DNAH9: variants seen among roughly 807,000 people sequenced by gnomAD.
DNAH9 encodes dynein axonemal heavy chain 9, also known as DNAH9 variant protein.
DNAH9 carries 345 observed loss-of-function variants against 471.6 expected under a neutral mutation model. That is an observed-to-expected ratio of 0.73 (90% CI 0.67 to 0.80). DNAH9 has a LOEUF of 0.80. Among genes scored for constraint, DNAH9 ranks in the 30% least tolerant of loss-of-function variants. The pLI, the probability that DNAH9 is intolerant of heterozygous loss-of-function variation, is 0.00. For missense variants in DNAH9, 5,407 were observed against 5,609.2 expected, an observed-to-expected ratio of 0.96 and a Z score of 1.15; for synonymous variants, 2,093 against 2,123.6, an observed-to-expected ratio of 0.99 and a Z score of 0.40.
At chr17:11,747,999 A>G (rs1966963249) in intron 32 of DNAH9, among the ~76,000 whole-genome samples, 1 of 152,018 alleles carries the variant, frequency 6.6e-6, no homozygotes, top group Non-Finnish European at 1.5e-5. Context: ...CCTTTTAGAG[A>G]GTGCATTTAA....
chr17:11,667,034 TG>T (rs2073883627), intron 15 of DNAH9, among the ~76,000 whole-genome samples: 2 of 152,274 alleles, frequency 1.3e-5, no homozygotes, highest in South Asian at 4.1e-4. Flanking sequence ...GCACCAACAC[TG>T]TGGAACCAGG....
In DNAH9 at chr17:11,880,110, C is replaced by T. The variant is rs753171648; in HGVS notation, c.10511C>T (p.Ala3504Val). ...YLQIIEQALE[A>V]GAVVLIENLE... ...CAAATCATAGAGCAGGCCCTGGAAG[C>T]TGGAGCTGTGGTGCTGATTGAAAAT... Residue 3504 changes from alanine (A) to valine (V), a missense_variant, in exon 54 of 69, where the codon GCT (alanine) becomes GTT (valine). By Grantham distance (64) the Ala-to-Val change is moderately conservative. Around this residue, in one of 3 missense-constraint regions of DNAH9, gnomAD observed 4,636 missense variants for 4,900.3 expected, o/e 0.95. Transcript: ENST00000262442. 3.7e-6 allele frequency: 6 copies of T among 1,614,080 alleles called. No homozygotes were observed. The highest frequency in any genetic ancestry group is 4.2e-6 in the Non-Finnish European group (5 of 1,179,950).
At chr17:11,678,813 C>T (rs1055429709) in intron 17 of DNAH9, among the ~76,000 whole-genome samples, 1 of 152,138 alleles carries the variant, frequency 6.6e-6, no homozygotes. Flanking sequence ...CTAGACTCTT[C>T]TCAAATGTTG....
chr17:11,870,641 A>G (rs775727032), intron 51 of DNAH9, among the ~76,000 whole-genome samples: 5 of 152,170 alleles, frequency 3.3e-5, no homozygotes, highest in South Asian at 2.1e-4. Flanking sequence ...ACTCTTGCCA[A>G]TGTGCAAGAA....
chr17:11,886,506 C>CTT (rs55645155), intron 56 of DNAH9, among the ~76,000 whole-genome samples: 24 of 127,268 alleles, frequency 1.9e-4, no homozygotes, highest in Middle Eastern at 8.3e-3. Context: ...TTGAGTCATA[C>CTT]TTTTTTTTTT....
At chr17:11,732,552 A>G (rs2075285900) in intron 28 of DNAH9, among the ~76,000 whole-genome samples, 1 of 151,936 alleles carries the variant, frequency 6.6e-6, no homozygotes, top group South Asian at 2.1e-4. Flanking sequence ...CTGCTGGTCC[A>G]CAGCATCTTT....
chr17:11,911,079 G>T (rs1973780623), intron 61 of DNAH9, among the ~76,000 whole-genome samples: 1 of 151,976 alleles, frequency 6.6e-6, no homozygotes, highest in Admixed American at 6.6e-5. Context: ...TTGGCCACTT[G>T]TATTTTAATA....
chr17:11,769,399 C>A, intron 38 of DNAH9, 70 bp downstream of exon 38: 1 of 1,416,192 alleles, frequency 7.1e-7, no homozygotes, highest in Non-Finnish European at 9.7e-7. Context: ...GAGCTGAAGC[C>A]AAGCGTCAGG....
At chr17:11,968,358 A>C (rs1168089267) in intron 68 of DNAH9, among the ~76,000 whole-genome samples, 2 of 152,188 alleles carry the variant, frequency 1.3e-5, no homozygotes, top group East Asian at 3.8e-4. Context: ...CTTCCCTTTA[A>C]ATAAATTTCA....
chr17:11,701,047 C>A, intron 23 of DNAH9, 75 bp from the exon 24 acceptor site: 1 of 1,524,802 alleles, frequency 6.6e-7, no homozygotes, highest in South Asian at 1.2e-5. Context: ...CTCCCTCAGA[C>A]TGAGTGGAAG....
At position 11,937,615 on chromosome 17, in the gene DNAH9, C is replaced by G; in HGVS notation, c.12660+93C>G. On this transcript the variant is annotated intron_variant, in intron 66 of 68. Transcript: ENST00000262442. The surrounding 1 kb of genome is among the most constrained non-coding windows in gnomAD (Gnocchi z 4.1). The stretch of plus-strand genomic sequence containing the variant: ...TCCTGCTGGCCATTTTGGCAGTACA[C>G]AGCATAGACAACACACAAAGCACCA... 7.3e-7 allele frequency: 1 copy of G among 1,377,528 alleles called. No individual in the cohort carries two copies. The highest frequency in any genetic ancestry group is 2.5e-5 in the East Asian group (1 of 40,056). 85.3% of individuals were successfully genotyped at this position (1,377,528 alleles called of 1,614,324 possible).
rs1452381085 is a variant in DNAH9, at chr17:11,651,191, G to A, written c.2220G>A (p.Glu740=). Residue 740 remains glutamate, a synonymous_variant, in exon 13 of 69, where the codon GAG becomes GAA. Coordinates refer to ENST00000262442, the MANE Select transcript of DNAH9 (RefSeq NM_001372.4). ...DFYRQLVANL[E]LMANWYNKVM... The stretch of plus-strand genomic sequence containing the variant: ...ATCGGCAGCTTGTGGCTAATTTAGA[G>A]TTGATGGCAAATTGGTACAACAAGG... 6.2e-7 allele frequency: 1 copy of A among 1,613,984 alleles called. No individual in the cohort carries two copies. The highest frequency in any genetic ancestry group is 1.7e-5 in the Admixed American group (1 of 59,996).
intron 50 of DNAH9, among the ~76,000 whole-genome samples, chr17:11,867,698 G>A (rs567107196): frequency 4.5e-4 from 68 of 152,246 alleles, no homozygotes; most frequent in African/African-American, 1.0e-3. Context: ...CAAGAGTAGC[G>A]ATCAAAAGCT....
chr17:11,968,692 T>C (rs898482892), intron 68 of DNAH9, among the ~76,000 whole-genome samples: 1 of 152,186 alleles, frequency 6.6e-6, no homozygotes, highest in African/African-American at 2.4e-5. Flanking sequence ...CCGCAGAACA[T>C]TTCTCGGGAC....
intron 48 of DNAH9, among the ~76,000 whole-genome samples, chr17:11,825,995 G>A (rs1970474278): frequency 6.6e-6 from 1 of 152,212 alleles, no homozygotes; most frequent in Admixed American, 6.5e-5. Context: ...ATGGTAATAG[G>A]ACATAATGAA....
intron 19 of DNAH9, among the ~76,000 whole-genome samples, chr17:11,688,082 CAAAAAAA>C (rs145792851): frequency 3.4e-5 from 2 of 59,674 alleles, no homozygotes; most frequent in African/African-American, 1.3e-4. Flanking sequence ...TGCAGTAAGC[CAAAAAAA>C]AAAAAAAAAA....
At chr17:11,867,928 C>T (rs1406813163) in intron 50 of DNAH9, among the ~76,000 whole-genome samples, 1 of 152,202 alleles carries the variant, frequency 6.6e-6, no homozygotes, top group South Asian at 2.1e-4. Context: ...TTTTCATCTT[C>T]CCCTTCAATC....
chr17:11,768,376 A>G (rs913745472), intron 36 of DNAH9, 77 bp from the exon 37 acceptor site: 5 of 1,457,668 alleles, frequency 3.4e-6, no homozygotes, highest in Admixed American at 3.6e-5. Flanking sequence ...CTGACCTTCT[A>G]TCTGACGCCG....
chr17:11,751,212 G>A (rs1208013106), intron 32 of DNAH9, among the ~76,000 whole-genome samples: 1 of 151,740 alleles, frequency 6.6e-6, no homozygotes, highest in Non-Finnish European at 1.5e-5. Flanking sequence ...AGTTAAAAAA[G>A]AGTAGAGCAA....
Sources: allele counts gnomAD v4.1 joint callset (sites outside exome capture counted in the v4.1 genomes callset), GRCh38; gene constraint gnomAD v4.1.1; regional missense constraint gnomAD v4.1.1; non-coding constraint Gnocchi (gnomAD v3.1); transcripts MANE v1.5; gene names NCBI Gene and HGNC (gene_info 2026-07-23, HGNC 2026-07-21).